Variants in NSUN2 observed in about 807,000 individuals in gnomAD.
The protein encoded by NSUN2 is NOP2/Sun RNA methyltransferase 2.
NSUN2 carries 63 observed loss-of-function variants against 92.7 expected under a neutral mutation model. The observed-to-expected ratio is 0.68, with a 90% confidence interval of 0.56 to 0.84. The LOEUF is 0.84. Ranked by LOEUF, NSUN2 falls within the 40% of genes least tolerant of loss-of-function variation. The pLI, the probability that NSUN2 is intolerant of heterozygous loss-of-function variation, is 0.00. For synonymous variants in NSUN2, 356 were observed against 348.3 expected, an observed-to-expected ratio of 1.02 and a Z score of -0.25; for missense variants, 989 against 964.9, an observed-to-expected ratio of 1.02 and a Z score of -0.33.
Position 6,604,513 on chromosome 5 carries a change from C to T in NSUN2, c.1818+92G>A, listed in dbSNP as rs111997562. ...TAGGTGCCAGCCAAGCCCTGAGCCA[C>T]TCAGACCATCTGGCTGACCAGCAAG... On this transcript the variant is annotated intron_variant, in intron 16 of 18. Coordinates refer to ENST00000264670, the MANE Select transcript of NSUN2 (RefSeq NM_017755.6). The T allele has an allele frequency of 1.3e-5, 16 of 1,209,826 alleles. 1 individual carries two copies. The highest frequency in any genetic ancestry group is 2.1e-4 in the Middle Eastern group (1 of 4,802). 74.9% of individuals were successfully genotyped at this position (1,209,826 alleles called of 1,614,324 possible). A position where few individuals can be genotyped will look rare whatever the true frequency, so the allele number is the denominator to read the frequency against.
chr5:6,607,203 C>A lies in NSUN2; in HGVS notation c.1505G>T (p.Cys502Phe). The A allele has an allele frequency of 6.2e-7, 1 of 1,614,014 alleles. No individual in the cohort carries two copies. The highest frequency in any genetic ancestry group is 8.5e-7 in the Non-Finnish European group (1 of 1,179,856). ...AAGACATAACCACTTTTCTTACCCA[C>A]ACACGCCATCTTTCTTACTGCCATT... ...ENNGSKKDGVCGPPPSKKMKL... is the reference protein window; with the variant it reads ...ENNGSKKDGVFGPPPSKKMKL... Residue 502 changes from cysteine (C) to phenylalanine (F), a missense_variant, in exon 13 of 19, where the codon TGT becomes TTT. This residue lies in a region of NSUN2 where 626 missense variants were observed against 602.3 expected (regional missense o/e 1.04). Transcript: ENST00000264670.
At chr5:6,604,384 C>CA in intron 16 of NSUN2, 108 bp from the exon 17 acceptor site, 1 of 1,088,832 alleles carries the variant, frequency 9.2e-7, no homozygotes, top group Admixed American at 2.2e-5. Context: ...GTCGAGCCCT[C>CA]ACTATGGCCC....
chr5:6,611,039 G>A lies in NSUN2; in HGVS notation c.1142C>T (p.Pro381Leu). The A allele has an allele frequency of 6.2e-7, 1 of 1,614,152 alleles. No individual in the cohort carries two copies. The highest frequency in any genetic ancestry group is 8.5e-7 in the Non-Finnish European group (1 of 1,180,026). The change falls in exon 11 of 19, where the codon CCT (proline) becomes CTT (leucine). Residue 381 changes from proline to leucine, a missense_variant. Coordinates refer to ENST00000264670, the MANE Select transcript of NSUN2 (RefSeq NM_017755.6). ...GQWFTDWDAV[P>L]HSRHTQIRPT... ...TCGGATCTGGGTGTGTCTGCTGTGA[G>A]GAACAGCGTCCCAGTCTGTAAACCA...
chr5:6,600,318 G>A (rs1021530713), intron 18 of NSUN2, 86 bp from the exon 19 acceptor site: 2 of 1,183,054 alleles, frequency 1.7e-6, no homozygotes, highest in East Asian at 2.5e-5. Context: ...GCTTAAAAAA[G>A]AAAACCACAG....
At chr5:6,619,169 G>GA (rs996988954) in intron 7 of NSUN2, among the ~76,000 whole-genome samples, 3 of 150,916 alleles carry the variant, frequency 2.0e-5, no homozygotes, top group South Asian at 2.1e-4. Flanking sequence ...CAACCTAGAG[G>GA]AAAAAAAAAC....
rs756604535 is a variant in NSUN2 at position 6,632,604 on chromosome 5, G to A, written c.249C>T (p.Tyr83=). 3.1e-6 allele frequency: 5 copies of A among 1,613,898 alleles called. No homozygotes were observed. The South Asian group carries it at 5.5e-5, about 18-fold the overall frequency. ...PLPATLRITG[Y]KSHAKEILHC... The stretch of plus-strand genomic sequence containing the variant: ...ATCAGGCACTGCCTCCCTACCTTTT[G>A]TAACCAGTAATTCTTAAAGTGGCCG... Residue 83 remains tyrosine, a synonymous_variant, in exon 2 of 19, where the codon TAC becomes TAT. Coordinates refer to ENST00000264670, the MANE Select transcript of NSUN2 (RefSeq NM_017755.6).
chr5:6,602,036 G>T (rs1013526321), intron 18 of NSUN2, among the ~76,000 whole-genome samples: 5 of 152,176 alleles, frequency 3.3e-5, no homozygotes, highest in Non-Finnish European at 5.9e-5. Context: ...GAGTGCAAGC[G>T]TGAGCAAATC....
chr5:6,612,117 A>C lies in NSUN2; in HGVS notation c.1022-319T>G, dbSNP rs558923796. On this transcript the variant is annotated intron_variant, in intron 9 of 18. Transcript: ENST00000264670. Reference sequence around the variant, plus strand: ...CTAAAAATCACTGAACCGTACACTTAAAATGAGCAAACATTAACAATATGT... The same window carrying C: ...CTAAAAATCACTGAACCGTACACTTCAAATGAGCAAACATTAACAATATGT... 3.3e-5 allele frequency among the ~76,000 whole-genome samples: 5 copies of C among 152,342 alleles called. No homozygotes were observed. The South Asian group carries it at 1.0e-3, about 32-fold the overall frequency.
intron 6 of NSUN2, 159 bp from the exon 7 acceptor site, chr5:6,620,457 A>G (rs1048565314): frequency 2.0e-5 from 10 of 493,906 alleles, no homozygotes; most frequent in African/African-American, 2.0e-4. Context: ...TGGTTCAAAA[A>G]AAGGAACCAG....
At chr5:6,603,803 G>A (rs1189598101) in intron 17 of NSUN2, 1 of 221,654 alleles carries the variant, frequency 4.5e-6, no homozygotes, top group Non-Finnish European at 8.8e-6. Context: ...GCTTGCCAGG[G>A]CTGCTCACAG....
Position 6,625,582 on chromosome 5 carries a change from T to C in NSUN2, c.447A>G (p.Leu149=). 1 of 1,613,458 alleles carries C rather than the reference T, an allele frequency of 6.2e-7. No individual in the cohort carries two copies. The highest frequency in any genetic ancestry group is 8.5e-7 in the Non-Finnish European group (1 of 1,179,372). ...SPHLEKFHQF[L]VSETESGNIS... ...AACTTACAGATTCTGTTTCACTAAC[T>C]AGAAACTGATGAAACTTTTCCAAGT... The change falls in exon 4 of 19, where the codon CTA becomes CTG. Residue 149 remains leucine (L), a synonymous_variant. Transcript: ENST00000264670.
At chr5:6,600,391 T>C (rs1392864907) in intron 18 of NSUN2, among the ~76,000 whole-genome samples, 159 bp from the exon 19 acceptor site, 1 of 151,962 alleles carries the variant, frequency 6.6e-6, no homozygotes, top group East Asian at 1.9e-4. Flanking sequence ...ATCCGAGGGG[T>C]AGGTTTTCTC....
chr5:6,609,767 T>C, intron 12 of NSUN2, 59 bp downstream of exon 12: 1 of 1,389,956 alleles, frequency 7.2e-7, no homozygotes, highest in Non-Finnish European at 1.0e-6. Flanking sequence ...CTCCGGTTAG[T>C]TTTTGTCTTA....
chr5:6,630,813 G>C (rs773624223), intron 3 of NSUN2, among the ~76,000 whole-genome samples: 42 of 152,212 alleles, frequency 2.8e-4, no homozygotes, highest in Non-Finnish European at 5.6e-4. Context: ...CGCTTAATTT[G>C]GCAGGGCGCA....
At chr5:6,612,750 C>T (rs1165049120) in intron 9 of NSUN2, among the ~76,000 whole-genome samples, 1 of 152,228 alleles carries the variant, frequency 6.6e-6, no homozygotes, top group African/African-American at 2.4e-5. Flanking sequence ...CAGTAAATGA[C>T]AGTGCAGGCA....
rs768272305 is a variant in NSUN2 at position 6,605,309 on chromosome 5, C to A, written c.1701G>T (p.Leu567Phe). The stretch of plus-strand genomic sequence containing the variant: ...CACTGTTATTCAGCAGCACATTCCG[C>A]AACTCCTTAGAAACCATGTAGAGCT... Reference protein sequence around the residue: ...KRQLYMVSKELRNVLLNNSEK... With the variant: ...KRQLYMVSKEFRNVLLNNSEK... The change falls in exon 15 of 19, where the codon TTG (leucine) becomes TTT (phenylalanine). Residue 567 changes from leucine to phenylalanine, a missense_variant. Coordinates refer to ENST00000264670, the MANE Select transcript of NSUN2 (RefSeq NM_017755.6). The A allele has an allele frequency of 1.2e-6, 2 of 1,614,122 alleles. No homozygotes were observed. The highest frequency in any genetic ancestry group is 3.3e-5 in the Admixed American group (2 of 60,016).
chr5:6,625,601 T>C lies in NSUN2; in HGVS notation c.428A>G (p.Glu143Gly), dbSNP rs1482508271. 1 of 1,614,170 alleles carries C rather than the reference T, an allele frequency of 6.2e-7. No homozygotes were observed. The change falls in exon 4 of 19, where the codon GAA becomes GGA. Residue 143 changes from glutamate to glycine, a missense_variant. Physicochemically the swap from Glu to Gly is moderately conservative, Grantham distance 98. Transcript: ENST00000264670. ...RKILRKSPHL[E>G]KFHQFLVSET... ...ACTAACTAGAAACTGATGAAACTTT[T>C]CCAAGTGTGGCGATTTTCTCAAGAT...
intron 6 of NSUN2, chr5:6,621,792 C>A: frequency 2.3e-5 from 10 of 438,310 alleles, no homozygotes; most frequent in South Asian, 1.3e-4. Flanking sequence ...AGAAAACACA[C>A]ATAATTCTAA....
intron 7 of NSUN2, 56 bp downstream of exon 7, chr5:6,620,050 C>A (rs1354709537): frequency 7.2e-7 from 1 of 1,383,394 alleles, no homozygotes; most frequent in African/African-American, 1.5e-5. Flanking sequence ...ATTTTAGTCT[C>A]TATTTGACTT....
Sources: allele counts gnomAD v4.1 joint callset (sites outside exome capture counted in the v4.1 genomes callset), GRCh38; gene constraint gnomAD v4.1.1; regional missense constraint gnomAD v4.1.1; transcripts MANE v1.5; gene names NCBI Gene and HGNC (gene_info 2026-07-23, HGNC 2026-07-21).